Variants in HEPH observed in about 807,000 individuals in gnomAD.
The protein encoded by HEPH is hephaestin.
A neutral mutation model predicts 80.8 loss-of-function variants in HEPH; 69 were observed. The ratio of observed to expected loss-of-function variants is 0.85; its 90% CI spans 0.70 to 1.04. The LOEUF (loss-of-function observed/expected upper bound fraction) is 1.04. HEPH is among the 50% of genes least tolerant of loss of function. HEPH has a pLI of 0.00. For missense variants in HEPH, 1,115 were observed against 891.3 expected, an observed-to-expected ratio of 1.25 and a Z score of -3.20; for synonymous variants, 431 against 322.8, an observed-to-expected ratio of 1.34 and a Z score of -3.60.
intron 1 of HEPH, among the ~76,000 whole-genome samples, chrX:66,167,394 CCTGT>C (rs2086418407): frequency 8.9e-6 from 1 of 112,189 alleles, no homozygotes; most frequent in East Asian, 2.8e-4. Flanking sequence ...ATGCTGATGG[CCTGT>C]ACTAGTCTCT....
At chrX:66,168,878 A>G (rs1312929931) in intron 1 of HEPH, among the ~76,000 whole-genome samples, 1 of 111,977 alleles carries the variant, frequency 8.9e-6, no homozygotes, top group Non-Finnish European at 1.9e-5. Flanking sequence ...ATCTCTGCCT[A>G]CATGAGTATG....
At chrX:66,238,036 G>A (rs1169166627) in intron 15 of HEPH, among the ~76,000 whole-genome samples, 2 of 111,584 alleles carry the variant, frequency 1.8e-5, no homozygotes, top group African/African-American at 6.5e-5. Flanking sequence ...GTTTCTTGAG[G>A]ACAGCATGCC....
chrX:66,207,859 A>G (rs2088877396), intron 14 of HEPH, among the ~76,000 whole-genome samples: 1 of 111,022 alleles, frequency 9.0e-6, no homozygotes, highest in Non-Finnish European at 1.9e-5. Flanking sequence ...GATAGAGGGT[A>G]GGGGTGGGAA....
At position 66,208,193 on chromosome X, in the gene HEPH, A is replaced by G. The variant is rs769849534; in HGVS notation, c.2510A>G (p.His837Arg). The G allele has an allele frequency of 2.5e-6, 3 of 1,205,854 alleles. No individual in the cohort carries two copies. Among genetic ancestry groups the G allele is most frequent in the Non-Finnish European group, 2.2e-6 (2 of 892,114 alleles). Reference protein sequence around the residue: ...KNNASRPYSVHAHGVLESTTV... With the variant: ...KNNASRPYSVRAHGVLESTTV... ...AATGCCAGCCGCCCCTACTCTGTGC[A>G]TGCTCATGGAGTGCTAGAATCTACT... Residue 837 changes from histidine (H) to arginine (R), a missense_variant, in exon 15 of 21, where the codon CAT becomes CGT. Around this residue, in one of 3 missense-constraint regions of HEPH, gnomAD observed 716 missense variants for 523.5 expected, o/e 1.37. Transcript: ENST00000343002.
At chrX:66,201,009 A>T (rs1158102940) in intron 12 of HEPH, among the ~76,000 whole-genome samples, 1 of 111,500 alleles carries the variant, frequency 9.0e-6, no homozygotes, top group Non-Finnish European at 1.9e-5. Flanking sequence ...GGAAGTTGGG[A>T]TGTTGCTCAG....
rs754719390 is a variant in HEPH at position 66,207,189 on chromosome X, C to T, written c.2292-6C>T. 1.7e-6 allele frequency: 2 copies of T among 1,201,213 alleles called. No individual in the cohort carries two copies. The highest frequency in any genetic ancestry group is 2.2e-5 in the Admixed American group (1 of 45,413). On this transcript the variant is annotated splice_polypyrimidine_tract_variant and splice_region_variant and intron_variant, in intron 13 of 20. Transcript: ENST00000343002. ...GGTGCTGATAGTACTCTTTGGATTCCTCTAGTTATGGTTACATTTTCCTGA... is the reference window on the plus strand; with the variant it reads ...GGTGCTGATAGTACTCTTTGGATTCTTCTAGTTATGGTTACATTTTCCTGA...
downstream of HEPH, chrX:66,268,169 A>T (rs1297954799): frequency 8.9e-6 from 1 of 111,764 alleles, no homozygotes; most frequent in East Asian, 2.8e-4. Context: ...GACTCCAAAT[A>T]CCTATTTCAT....
At chrX:66,233,227 T>C (rs2090227217) in intron 15 of HEPH, among the ~76,000 whole-genome samples, 1 of 111,825 alleles carries the variant, frequency 8.9e-6, no homozygotes, top group Non-Finnish European at 1.9e-5. Flanking sequence ...GAACTAATTA[T>C]TGAGAAAGGA....
In HEPH at chrX:66,173,811, C is replaced by A; in HGVS notation, c.625+10C>A. The A allele has an allele frequency of 8.7e-7, 1 of 1,145,339 alleles. No homozygotes were observed. The allele number at this position is 1,145,339 out of a possible 1,213,427, so 94.4% of individuals were successfully genotyped here. On this transcript the variant is annotated intron_variant, in intron 4 of 20. Coordinates refer to ENST00000343002, the MANE Select transcript of HEPH (RefSeq NM_001367233.3). ...ATCACCTGTAAAAGAGGTACAGGTC[C>A]CAAGGATAAGCTATGAGGTGTAGTT...
At chrX:66,213,574 T>C (rs1344957446) in intron 15 of HEPH, among the ~76,000 whole-genome samples, 1 of 112,071 alleles carries the variant, frequency 8.9e-6, no homozygotes, top group Non-Finnish European at 1.9e-5. Context: ...GGTATTTTAT[T>C]ATTTTGTATA....
intron 14 of HEPH, 108 bp from the exon 15 acceptor site, chrX:66,208,007 G>C: frequency 3.6e-6 from 2 of 550,297 alleles, no homozygotes; most frequent in Non-Finnish European, 5.6e-6. Context: ...TTTTGTCAGG[G>C]TAAACCACTA....
At chrX:66,173,464 TC>T in intron 3 of HEPH, 124 bp from the exon 4 acceptor site, 1 of 471,529 alleles carries the variant, frequency 2.1e-6, no homozygotes, top group Non-Finnish European at 3.6e-6. Flanking sequence ...ACTATGTAGG[TC>T]ATTAGCATGC....
Position 66,198,865 on chromosome X carries a change from A to T in HEPH, c.1714-13A>T. The T allele has an allele frequency of 6.0e-6, 7 of 1,164,413 alleles. No homozygotes were observed. Among genetic ancestry groups the T allele is most frequent in the Non-Finnish European group, 8.2e-6 (7 of 853,477 alleles). On this transcript the variant is annotated splice_polypyrimidine_tract_variant and intron_variant, in intron 10 of 20. Transcript: ENST00000343002. ...GTCATTATTCCCTCTACTTTCTTCT[A>T]TTGGGCCTGCAGAAAGGGGTGGATA... is the stretch of plus-strand genomic sequence containing the variant.
intron 19 of HEPH, among the ~76,000 whole-genome samples, chrX:66,262,003 C>A (rs1362015706): frequency 8.9e-6 from 1 of 112,230 alleles, no homozygotes; most frequent in Non-Finnish European, 1.9e-5. Context: ...TATATGAGAC[C>A]ATTTCAATAC....
At chrX:66,207,139 A>G in intron 13 of HEPH, 56 bp from the exon 14 acceptor site, 1 of 1,153,957 alleles carries the variant, frequency 8.7e-7, no homozygotes, top group Non-Finnish European at 1.2e-6. Context: ...TAAATACTCA[A>G]ATGAAAATGA....
chrX:66,186,692 G>C (rs180687886), intron 4 of HEPH, among the ~76,000 whole-genome samples: 1 of 111,668 alleles, frequency 9.0e-6, no homozygotes, highest in African/African-American at 3.3e-5. Context: ...GCTGTAGACC[G>C]GAGCTGTTCC....
chrX:66,164,899 T>A (rs1215386469), intron 1 of HEPH, among the ~76,000 whole-genome samples: 1 of 112,203 alleles, frequency 8.9e-6, no homozygotes, highest in Non-Finnish European at 1.9e-5. Context: ...ATAGCTTAAC[T>A]AAGCTAAACA....
chrX:66,186,636 A>T (rs928516082), intron 4 of HEPH, among the ~76,000 whole-genome samples: 2 of 111,634 alleles, frequency 1.8e-5, no homozygotes, highest in African/African-American at 3.3e-5. Flanking sequence ...GGTACCTCAG[A>T]TGGAAATGCA....
chrX:66,243,410 A>T (rs752744048), intron 15 of HEPH, among the ~76,000 whole-genome samples: 1 of 112,524 alleles, frequency 8.9e-6, no homozygotes, highest in South Asian at 3.7e-4. Flanking sequence ...ACCCTTTACC[A>T]TTATGGAATG....
Sources: gnomAD v4.1 joint callset for allele counts (sites outside exome capture counted in the v4.1 genomes callset) on GRCh38, gnomAD v4.1.1 for gene constraint, gnomAD v4.1.1 regional missense constraint, MANE v1.5 for transcripts, NCBI Gene and HGNC (gene_info 2026-07-23, HGNC 2026-07-21) for gene names.